GRIK4: variants seen among roughly 807,000 people sequenced by gnomAD.
The protein encoded by GRIK4 is glutamate ionotropic receptor kainate type subunit 4.
GRIK4 carries 40 observed loss-of-function variants against 104.9 expected under a neutral mutation model. That is an observed-to-expected ratio of 0.38 (90% CI 0.30 to 0.50). The LOEUF is 0.50. Among genes scored for constraint, GRIK4 ranks in the 20% least tolerant of loss-of-function variants. The pLI, the probability that GRIK4 is intolerant of heterozygous loss-of-function variation, is 0.93. For missense variants in GRIK4, 1,047 were observed against 1,308.1 expected, an observed-to-expected ratio of 0.80 and a Z score of 3.08; for synonymous variants, 485 against 524.9, an observed-to-expected ratio of 0.92 and a Z score of 1.04.
At chr11:120,948,221 A>G (rs1287425694) in intron 14 of GRIK4, among the ~76,000 whole-genome samples, 1 of 152,218 alleles carries the variant, frequency 6.6e-6, no homozygotes, top group Non-Finnish European at 1.5e-5. Flanking sequence ...ACCATTGGGC[A>G]CTGCTGGGAG....
At chr11:120,638,124 C>G (rs934997500) in intron 1 of GRIK4, among the ~76,000 whole-genome samples, 1 of 152,128 alleles carries the variant, frequency 6.6e-6, no homozygotes, top group African/African-American at 2.4e-5. Flanking sequence ...AGGTGTTCAG[C>G]CTGTGTTGGC....
At position 120,952,773 on chromosome 11, in the gene GRIK4, C is replaced by A; in HGVS notation, c.1591-82C>A. On this transcript the variant is annotated intron_variant, in intron 14 of 20. Transcript: ENST00000527524. This position sits in a 1 kb window ranked among gnomAD's most constrained non-coding sequence, Gnocchi z 5.2. ...ACTGGGGCCAGACCCACACTCACTACCTCCTCTACCCCGCCCTGCCTGCCC... is the reference window on the plus strand; with the variant it reads ...ACTGGGGCCAGACCCACACTCACTAACTCCTCTACCCCGCCCTGCCTGCCC... The A allele has an allele frequency of 1.1e-6, 1 of 908,638 alleles. No individual in the cohort carries two copies. Among genetic ancestry groups the A allele is most frequent in the Non-Finnish European group, 1.9e-6 (1 of 539,156 alleles). The allele number at this position is 908,638 out of a possible 1,614,324, so 56.3% of individuals were successfully genotyped here.
chr11:120,884,362 G>A (rs926610240), intron 11 of GRIK4, among the ~76,000 whole-genome samples: 6 of 152,238 alleles, frequency 3.9e-5, no homozygotes, highest in East Asian at 1.9e-4. Flanking sequence ...CCGTATTCCC[G>A]GAGTCTCGCT....
At chr11:120,927,603 A>G (rs1555096069) in intron 13 of GRIK4, among the ~76,000 whole-genome samples, 2 of 151,594 alleles carry the variant, frequency 1.3e-5, no homozygotes, top group Non-Finnish European at 2.9e-5. Flanking sequence ...AGAAAGAAAG[A>G]AAGGAAAAAT....
At chr11:120,843,271 G>A (rs1380766796) in intron 8 of GRIK4, among the ~76,000 whole-genome samples, 3 of 152,262 alleles carry the variant, frequency 2.0e-5, no homozygotes, top group East Asian at 1.9e-4. Flanking sequence ...TCTCGGCACC[G>A]CCGCTGTGCT....
At chr11:120,658,933 A>G (rs1949766500) in intron 2 of GRIK4, among the ~76,000 whole-genome samples, 1 of 151,692 alleles carries the variant, frequency 6.6e-6, no homozygotes, top group African/African-American at 2.4e-5. Context: ...TATTTTTAGT[A>G]GAGATGGGGT....
rs536227628 is a variant in GRIK4 at position 120,649,779 on chromosome 11, G to A, written c.-158-3906G>A. Among the ~76,000 whole-genome samples the A allele has an allele frequency of 1.1e-4, 16 of 152,344 alleles. No individual in the cohort carries two copies. In the South Asian group the frequency reaches 2.5e-3, roughly 24 times the overall value. On this transcript the variant is annotated intron_variant, in intron 1 of 20. Transcript: ENST00000527524. ...ACCCAGAGAGATGCCTAGCAGAGGA[G>A]AGAGGGTTATATTTATCTGGAGGTG... is the stretch of plus-strand genomic sequence containing the variant.
At chr11:120,710,516 GC>G (rs536143715) in intron 3 of GRIK4, among the ~76,000 whole-genome samples, 2 of 152,100 alleles carry the variant, frequency 1.3e-5, no homozygotes, top group Non-Finnish European at 2.9e-5. Flanking sequence ...GGGCATAACG[GC>G]CCCCCCATTC....
In GRIK4 at chr11:120,819,076, A is replaced by T. The variant is rs1953035767; in HGVS notation, c.346-679A>T. On this transcript the variant is annotated intron_variant, in intron 5 of 20. Transcript: ENST00000527524. This position sits in a 1 kb window ranked among gnomAD's most constrained non-coding sequence, Gnocchi z 4.3. ...CTGGAAATGTCAGTAATAGATGCAG[A>T]GGGAAGCTGACACTGTCCTAATGAA... Among the ~76,000 whole-genome samples, 1 of 152,240 alleles carries T rather than the reference A, an allele frequency of 6.6e-6. No homozygotes were observed. Among genetic ancestry groups the T allele is most frequent in the Non-Finnish European group, 1.5e-5 (1 of 68,042 alleles).
intron 1 of GRIK4, among the ~76,000 whole-genome samples, chr11:120,544,046 C>A (rs1041448532): frequency 6.6e-6 from 1 of 152,310 alleles, no homozygotes; most frequent in East Asian, 1.9e-4. Context: ...TCAGTTCTGG[C>A]GAGCTGCGCT....
chr11:120,822,303 A>G (rs974499301), intron 6 of GRIK4, among the ~76,000 whole-genome samples: 2 of 152,026 alleles, frequency 1.3e-5, no homozygotes, highest in Non-Finnish European at 2.9e-5. Context: ...GGGTTTGGCA[A>G]GAAATCAGTG....
At chr11:120,581,611 C>G (rs917972438) in intron 1 of GRIK4, among the ~76,000 whole-genome samples, 3 of 152,120 alleles carry the variant, frequency 2.0e-5, no homozygotes, top group Non-Finnish European at 4.4e-5. Context: ...CTGTCTGTCT[C>G]TGTGAATTTG....
intron 1 of GRIK4, among the ~76,000 whole-genome samples, chr11:120,586,404 C>T (rs977518251): frequency 6.6e-6 from 1 of 152,030 alleles, no homozygotes; most frequent in African/African-American, 2.4e-5. Flanking sequence ...GGAGAGAAAG[C>T]AGGGCCAGTT....
At chr11:120,561,233 CA>C (rs1438730245) in intron 1 of GRIK4, among the ~76,000 whole-genome samples, 3 of 149,442 alleles carry the variant, frequency 2.0e-5, no homozygotes, top group Non-Finnish European at 2.9e-5. Context: ...TAGCGGCAGC[CA>C]GGGGAGGGTG....
chr11:120,726,176 G>C (rs1188878208), intron 3 of GRIK4, among the ~76,000 whole-genome samples: 1 of 152,204 alleles, frequency 6.6e-6, no homozygotes, highest in Non-Finnish European at 1.5e-5. Flanking sequence ...CAGGAACATA[G>C]AGATTATAGA....
chr11:120,557,791 C>A (rs1015302287), intron 1 of GRIK4, among the ~76,000 whole-genome samples: 1 of 151,750 alleles, frequency 6.6e-6, no homozygotes, highest in African/African-American at 2.4e-5. Context: ...CCGAGGCAGG[C>A]GGATCACGAG....
chr11:120,651,493 G>C (rs2135219144), intron 1 of GRIK4, among the ~76,000 whole-genome samples: 1 of 152,262 alleles, frequency 6.6e-6, no homozygotes, highest in Non-Finnish European at 1.5e-5. Flanking sequence ...CATTCCTCTT[G>C]CTCCTTATTG....
At chr11:120,928,999 A>G (rs1401332332) in intron 13 of GRIK4, among the ~76,000 whole-genome samples, 1 of 141,876 alleles carries the variant, frequency 7.0e-6, no homozygotes, top group African/African-American at 2.7e-5. Flanking sequence ...GCGCGCGTGC[A>G]CGCGTGTATG....
At chr11:120,807,348 A>G (rs1490818547) in intron 4 of GRIK4, among the ~76,000 whole-genome samples, 1 of 152,140 alleles carries the variant, frequency 6.6e-6, no homozygotes, top group East Asian at 1.9e-4. Flanking sequence ...TTTCCTGCAG[A>G]CCCAGAAGCA....
Sources: allele counts gnomAD v4.1 joint callset (sites outside exome capture counted in the v4.1 genomes callset), GRCh38; gene constraint gnomAD v4.1.1; non-coding constraint Gnocchi (gnomAD v3.1); transcripts MANE v1.5; gene names NCBI Gene and HGNC (gene_info 2026-07-23, HGNC 2026-07-21).